CFHR1: variants seen among roughly 807,000 people sequenced by gnomAD.
CFHR1 encodes complement factor H-related protein 1.
Under a neutral mutation model 30.4 loss-of-function variants are expected in CFHR1, and 22 were observed. The ratio of observed to expected loss-of-function variants is 0.72; its 90% CI spans 0.52 to 1.03. The LOEUF (loss-of-function observed/expected upper bound fraction) is 1.03. Ranked by LOEUF, CFHR1 falls within the 50% of genes least tolerant of loss-of-function variation. The probability of loss-of-function intolerance (pLI) is 0.00; values close to 1 mark genes in which losing one functional copy is unlikely to be tolerated. For missense variants in CFHR1, 248 were observed against 380.6 expected (o/e 0.65, Z 2.90); for synonymous variants, 95 against 129.1 (o/e 0.74, Z 1.79).
Position 196,830,494 on chromosome 1 carries a change from T to G in CFHR1, c.608-6T>G. The G allele has an allele frequency of 6.6e-7, 1 of 1,525,510 alleles. No homozygotes were observed. The highest frequency in any genetic ancestry group is 8.9e-7 in the Non-Finnish European group (1 of 1,129,226). 94.5% of individuals were successfully genotyped at this position (1,525,510 alleles called of 1,614,324 possible). A position where few individuals can be genotyped will look rare whatever the true frequency, so the allele number is the denominator to read the frequency against. ...ATAAATCAAGTGATGAAATGATGTTTTTTAGATTCTACGGGAAAATGTGGG... is the reference window on the plus strand; with the variant it reads ...ATAAATCAAGTGATGAAATGATGTTGTTTAGATTCTACGGGAAAATGTGGG... On this transcript the variant is annotated splice_region_variant and splice_polypyrimidine_tract_variant and intron_variant, in intron 4 of 5. Transcript: ENST00000320493.
chr1:196,827,285 C>T lies in CFHR1; in HGVS notation c.430+280C>T, dbSNP rs1367781919. 2.2e-5 allele frequency among the ~76,000 whole-genome samples: 3 copies of T among 134,530 alleles called. 1 individual carries two copies. Among genetic ancestry groups the T allele is most frequent in the Admixed American group, 7.2e-5 (1 of 13,970 alleles). The allele number at this position is 134,530 out of a possible 152,430, so 88.3% of individuals were successfully genotyped here. On this transcript the variant is annotated intron_variant, in intron 3 of 5. Coordinates refer to ENST00000320493, the MANE Select transcript of CFHR1 (RefSeq NM_002113.3). The stretch of plus-strand genomic sequence containing the variant: ...ATTCCATAAGCTCATTCTAGACACA[C>T]GGAATCAAAAATGTCGAAATAGAAC...
Position 196,827,029 on chromosome 1 carries a change from T to C in CFHR1, c.430+24T>C, listed in dbSNP as rs1161733558. ...TGGTAAGTACAATGCTGTTCTCTCA[T>C]ATGCTGTTATCTATTATAAAGTTTG... On this transcript the variant is annotated intron_variant, in intron 3 of 5. Coordinates refer to ENST00000320493, the MANE Select transcript of CFHR1 (RefSeq NM_002113.3). 3.3e-6 allele frequency: 5 copies of C among 1,506,724 alleles called. 1 individual carries two copies. The Admixed American group carries it at 5.2e-5, about 16-fold the overall frequency. The allele number at this position is 1,506,724 out of a possible 1,614,324, so 93.3% of individuals were successfully genotyped here. A position where few individuals can be genotyped will look rare whatever the true frequency, so the allele number is the denominator to read the frequency against.
rs1655313828 is a variant in CFHR1 at position 196,826,177 on chromosome 1, A to C, written c.253+506A>C. ...ATAACAGGTGTATTAAAAGAAAAAA[A>C]AATTGGGAGACAGATACATGAGGCA... On this transcript the variant is annotated intron_variant, in intron 2 of 5. Coordinates refer to ENST00000320493, the MANE Select transcript of CFHR1 (RefSeq NM_002113.3). Among the ~76,000 whole-genome samples the C allele has an allele frequency of 3.0e-5, 4 of 134,764 alleles. 1 individual carries two copies. The highest frequency in any genetic ancestry group is 9.5e-5 in the African/African-American group (3 of 31,480). 88.4% of individuals were successfully genotyped at this position (134,764 alleles called of 152,430 possible). A position where few individuals can be genotyped will look rare whatever the true frequency, so the allele number is the denominator to read the frequency against.
chr1:196,823,865 T>C lies in CFHR1; in HGVS notation c.59-1612T>C, dbSNP rs1034582306. On this transcript the variant is annotated intron_variant, in intron 1 of 5. Coordinates refer to ENST00000320493, the MANE Select transcript of CFHR1 (RefSeq NM_002113.3). ...CTTTGGGTGGTAATTATATTGACAG[T>C]GAGGGAGCTTATGCATGTGGTAGGG... 3.7e-5 allele frequency among the ~76,000 whole-genome samples: 5 copies of C among 133,680 alleles called. 1 individual carries two copies. The highest frequency in any genetic ancestry group is 1.6e-4 in the African/African-American group (5 of 31,012). 87.7% of individuals were successfully genotyped at this position (133,680 alleles called of 152,430 possible).
rs183169934 is a variant in CFHR1 at position 196,824,459 on chromosome 1, T to C, written c.59-1018T>C. Among the ~76,000 whole-genome samples the C allele has an allele frequency of 8.9e-4, 116 of 129,784 alleles. 14 individuals carry two copies. In the East Asian group the frequency reaches 0.023, roughly 26 times the overall value. 85.1% of individuals were successfully genotyped at this position (129,784 alleles called of 152,430 possible). ...TTTTAGTAGAGATGGGGTTTCACCA[T>C]GTTGGCCAGGCTGGTCTCAAATTCC... On this transcript the variant is annotated intron_variant, in intron 1 of 5. Transcript: ENST00000320493.
intron 4 of CFHR1, among the ~76,000 whole-genome samples, chr1:196,828,879 G>A (rs1655441654): frequency 7.7e-6 from 1 of 130,066 alleles, no homozygotes; most frequent in Middle Eastern, 4.1e-3. Context: ...ATATAGTTGG[G>A]TCATGTTTAC....
intron 1 of CFHR1, 150 bp from the exon 2 acceptor site, chr1:196,825,327 T>C: frequency 1.7e-6 from 1 of 572,088 alleles, no homozygotes; most frequent in South Asian, 2.4e-5. Flanking sequence ...ATGCTTTTCA[T>C]TCCTAATTTG....
chr1:196,824,678 A>T lies in CFHR1; in HGVS notation c.59-799A>T, dbSNP rs541926569. Among the ~76,000 whole-genome samples, 65 of 116,398 alleles carry T rather than the reference A, an allele frequency of 5.6e-4. 9 individuals are homozygous for T. Among genetic ancestry groups the T allele is most frequent in the Middle Eastern group, 5.5e-3 (1 of 182 alleles). The allele number at this position is 116,398 out of a possible 152,430, so 76.4% of individuals were successfully genotyped here. A position where few individuals can be genotyped will look rare whatever the true frequency, so the allele number is the denominator to read the frequency against. On this transcript the variant is annotated intron_variant, in intron 1 of 5. Transcript: ENST00000320493. ...TTATTTTTATTGTTTTATTATCTTT[A>T]TTGTTTTTTTCAAATATTTTTGATC...
At chr1:196,828,759 AC>A (rs1655434305) in intron 4 of CFHR1, among the ~76,000 whole-genome samples, 1 of 129,480 alleles carries the variant, frequency 7.7e-6, no homozygotes, top group South Asian at 2.7e-4. Flanking sequence ...ATTGTATCTT[AC>A]TTACCTTTAT....
At chr1:196,829,926 T>C (rs1440731934) in intron 4 of CFHR1, among the ~76,000 whole-genome samples, 1 of 134,510 alleles carries the variant, frequency 7.4e-6, no homozygotes, top group Non-Finnish European at 1.6e-5. Flanking sequence ...CTGCATTATT[T>C]GTTGTTGTAT....
rs1396380621 is a variant in CFHR1, at chr1:196,822,986, G to A, written c.59-2491G>A. Among the ~76,000 whole-genome samples the A allele has an allele frequency of 2.3e-5, 3 of 132,568 alleles. 1 individual carries two copies. The highest frequency in any genetic ancestry group is 7.3e-5 in the Admixed American group (1 of 13,686). The allele number at this position is 132,568 out of a possible 152,430, so 87.0% of individuals were successfully genotyped here. ...TGTTACGATGGCTATTAGGTGATAGGAATTTTTCAGCTACACTATAATCTT... is the reference window on the plus strand; with the variant it reads ...TGTTACGATGGCTATTAGGTGATAGAAATTTTTCAGCTACACTATAATCTT... On this transcript the variant is annotated intron_variant, in intron 1 of 5. Coordinates refer to ENST00000320493, the MANE Select transcript of CFHR1 (RefSeq NM_002113.3).
chr1:196,825,787 G>T, intron 2 of CFHR1, 116 bp downstream of exon 2: 1 of 1,042,008 alleles, frequency 9.6e-7, no homozygotes, highest in Admixed American at 2.0e-5. Flanking sequence ...AAGCTGGAAA[G>T]ATGGGAGATG....
Position 196,832,074 on chromosome 1 carries a change from G to C in CFHR1, c.*75G>C. 1 of 1,341,830 alleles carries C rather than the reference G, an allele frequency of 7.5e-7. No homozygotes were observed. The highest frequency in any genetic ancestry group is 1.0e-6 in the Non-Finnish European group (1 of 977,912). 83.1% of individuals were successfully genotyped at this position (1,341,830 alleles called of 1,614,324 possible). ...GTTCTTAATTTCATTTTTAAGTATT[G>C]TTTTACTCCTTTTTATTCATACGTA... is the stretch of plus-strand genomic sequence containing the variant. On this transcript the variant is annotated 3_prime_UTR_variant, in exon 6 of 6. Coordinates refer to ENST00000320493, the MANE Select transcript of CFHR1 (RefSeq NM_002113.3).
Position 196,824,145 on chromosome 1 carries a change from G to A in CFHR1, c.59-1332G>A, listed in dbSNP as rs558659331. ...ATCCTCAAGGAATTGGTTCCAGGAC[G>A]CTACCCACCCCCAGCAGATACCAAA... On this transcript the variant is annotated intron_variant, in intron 1 of 5. Coordinates refer to ENST00000320493, the MANE Select transcript of CFHR1 (RefSeq NM_002113.3). Among the ~76,000 whole-genome samples, 3 of 134,736 alleles carry A rather than the reference G, an allele frequency of 2.2e-5. 1 individual carries two copies. Among genetic ancestry groups the A allele is most frequent in the South Asian group, 2.6e-4 (1 of 3,888 alleles). The allele number at this position is 134,736 out of a possible 152,430, so 88.4% of individuals were successfully genotyped here. A position where few individuals can be genotyped will look rare whatever the true frequency, so the allele number is the denominator to read the frequency against.
chr1:196,825,694 A>C lies in CFHR1; in HGVS notation c.253+23A>C, dbSNP rs1182423522. On this transcript the variant is annotated intron_variant, in intron 2 of 5. Transcript: ENST00000320493. ...TCAGTGAGTAAATGCTCTGTTCATT[A>C]AATGGATGTCATTCAGTGAATAGAG... is the stretch of plus-strand genomic sequence containing the variant. 6 of 1,493,468 alleles carry C rather than the reference A, an allele frequency of 4.0e-6. 1 individual carries two copies. The South Asian group carries it at 7.6e-5, about 19-fold the overall frequency. The allele number at this position is 1,493,468 out of a possible 1,614,324, so 92.5% of individuals were successfully genotyped here.
Position 196,825,301 on chromosome 1 carries a change from G to A in CFHR1, c.59-176G>A, listed in dbSNP as rs1157350906. On this transcript the variant is annotated intron_variant, in intron 1 of 5. Transcript: ENST00000320493. ...AACAATTACCTCCTCAAATAGTCAT[G>A]TACTCCTAGTTAGTGATGCTTTTCA... The A allele has an allele frequency of 1.3e-5, 6 of 457,162 alleles. 1 individual carries two copies. In the East Asian group the frequency reaches 2.0e-4, roughly 15 times the overall value. 28.3% of individuals were successfully genotyped at this position (457,162 alleles called of 1,614,324 possible).
At position 196,826,368 on chromosome 1, in the gene CFHR1, AT is replaced by A. The variant is rs1558214313; in HGVS notation, c.254-460del. ...ATGAAATATTTTCTTCTATATATAC[AT>A]ATAAAAGAACCAAAAATATGTTTCA... On this transcript the variant is annotated intron_variant, in intron 2 of 5. Coordinates refer to ENST00000320493, the MANE Select transcript of CFHR1 (RefSeq NM_002113.3). Among the ~76,000 whole-genome samples the A allele has an allele frequency of 1.5e-5, 2 of 135,726 alleles. 1 individual carries two copies. The allele number at this position is 135,726 out of a possible 152,430, so 89.0% of individuals were successfully genotyped here. A position where few individuals can be genotyped will look rare whatever the true frequency, so the allele number is the denominator to read the frequency against.
chr1:196,827,484 T>C (rs1398840024), intron 3 of CFHR1, among the ~76,000 whole-genome samples: 2 of 135,844 alleles, frequency 1.5e-5, no homozygotes, highest in African/African-American at 6.2e-5. Flanking sequence ...TTATTTTTAT[T>C]ATTATAGACT....
chr1:196,830,576 T>G lies in CFHR1; in HGVS notation c.684T>G (p.Ala228=), dbSNP rs1188120405. Residue 228 remains alanine (A), a synonymous_variant, in exon 5 of 6, where the codon GCT becomes GCG. Coordinates refer to ENST00000320493, the MANE Select transcript of CFHR1 (RefSeq NM_002113.3). ...DITSFPLSVY[A]PASSVEYQCQ... ...CTTCATTCCCGTTGTCAGTATATGC[T>G]CCAGCTTCATCAGTTGAGTACCAAT... 2 of 1,524,430 alleles carry G rather than the reference T, an allele frequency of 1.3e-6. No homozygotes were observed. Among genetic ancestry groups the G allele is most frequent in the Non-Finnish European group, 1.8e-6 (2 of 1,128,788 alleles). 94.4% of individuals were successfully genotyped at this position (1,524,430 alleles called of 1,614,324 possible).
Sources: gnomAD v4.1 joint callset for allele counts (sites outside exome capture counted in the v4.1 genomes callset) on GRCh38, gnomAD v4.1.1 for gene constraint, MANE v1.5 for transcripts, NCBI Gene and HGNC (gene_info 2026-07-23, HGNC 2026-07-21) for gene names.